Variants in PIGN observed in about 807,000 individuals in gnomAD.
The protein encoded by PIGN is GPI ethanolamine phosphate transferase 1.
Under a neutral mutation model 125.4 loss-of-function variants are expected in PIGN, and 117 were observed. The ratio of observed to expected loss-of-function variants is 0.93; its 90% confidence interval spans 0.80 to 1.09. PIGN has a LOEUF of 1.09. PIGN is among the 50% of genes least tolerant of loss of function. PIGN has a pLI of 0.00. For missense variants in PIGN, 1,075 were observed against 1,094.9 expected (o/e 0.98, Z 0.26); for synonymous variants, 392 against 377.8 (o/e 1.04, Z -0.44).
chr18:62,145,857 T>C (rs2036307585), intron 10 of PIGN, 52 bp downstream of exon 10: 3 of 885,502 alleles, frequency 3.4e-6, no homozygotes, highest in Non-Finnish European at 5.4e-6. Flanking sequence ...ATTTAAACTT[T>C]GTTCTTATTT....
chr18:62,070,609 A>G (rs1023404477), intron 30 of PIGN: 3 of 395,904 alleles, frequency 7.6e-6, no homozygotes, highest in Non-Finnish European at 1.3e-5. Flanking sequence ...TATTGACTAA[A>G]TGAAATAAAA....
intron 30 of PIGN, among the ~76,000 whole-genome samples, chr18:62,071,292 A>G (rs932803482): frequency 7.2e-5 from 11 of 152,184 alleles, no homozygotes; most frequent in Admixed American, 3.9e-4. Flanking sequence ...TGGAATGATC[A>G]ACTTTGAAAC....
At chr18:62,068,894 C>G (rs1197029414) in intron 30 of PIGN, among the ~76,000 whole-genome samples, 2 of 152,182 alleles carry the variant, frequency 1.3e-5, no homozygotes, top group East Asian at 3.8e-4. Context: ...TTCTGAAAAG[C>G]CTTCCTTAAG....
rs1837587580 is a variant in PIGN, at chr18:62,020,481, G to A, written c.2143-2740C>T. Among the ~76,000 whole-genome samples, 3 of 150,366 alleles carry A rather than the reference G, an allele frequency of 2.0e-5. No homozygotes were observed. In the South Asian group the frequency reaches 6.4e-4, roughly 32 times the overall value. On this transcript the variant is annotated intron_variant, in intron 23 of 24. Coordinates refer to the PIGN transcript ENST00000639600. ...GACCTTGAAATGACAGAGATGATGG[G>A]ATTAGCAGATAAAGACTTTAAAACA...
intron 30 of PIGN, among the ~76,000 whole-genome samples, chr18:62,064,152 T>C (rs1020654280): frequency 1.3e-5 from 2 of 152,242 alleles, no homozygotes; most frequent in Non-Finnish European, 2.9e-5. Context: ...TAATGTTTCC[T>C]GTCACTGAAG....
chr18:62,141,478 T>C (rs976661424), intron 11 of PIGN, among the ~76,000 whole-genome samples: 2 of 152,246 alleles, frequency 1.3e-5, no homozygotes, highest in Admixed American at 6.5e-5. Context: ...CCTTTTCAGA[T>C]ACGTTCGCTA....
chr18:62,102,478 T>A (rs2034483568), intron 21 of PIGN, among the ~76,000 whole-genome samples: 1 of 151,568 alleles, frequency 6.6e-6, no homozygotes, highest in African/African-American at 2.4e-5. Flanking sequence ...GGAAGTGACC[T>A]TCCCTGACCC....
chr18:62,152,105 CA>C (rs1317741777), intron 7 of PIGN, among the ~76,000 whole-genome samples: 1 of 151,954 alleles, frequency 6.6e-6, no homozygotes, highest in East Asian at 1.9e-4. Flanking sequence ...CAGGACAACT[CA>C]AAGTGGGGAT....
chr18:62,090,429 G>C (rs764786710), intron 24 of PIGN, 47 bp downstream of exon 24: 1 of 1,046,594 alleles, frequency 9.6e-7, no homozygotes, highest in South Asian at 1.5e-5. Context: ...TTATAGGATA[G>C]AGACTAATAG....
chr18:62,117,009 T>C (rs546345267), intron 14 of PIGN, among the ~76,000 whole-genome samples: 1 of 152,168 alleles, frequency 6.6e-6, no homozygotes, highest in East Asian at 1.9e-4. Context: ...ATTGGAAGTA[T>C]TAAGGTAAAG....
chr18:62,158,506 G>T (rs911616133), intron 4 of PIGN, among the ~76,000 whole-genome samples: 20 of 152,140 alleles, frequency 1.3e-4, no homozygotes, highest in Admixed American at 4.6e-4. Flanking sequence ...AGATTATTTT[G>T]CTAAAAGATG....
intron 30 of PIGN, among the ~76,000 whole-genome samples, chr18:62,061,895 T>C (rs2032169081): frequency 6.6e-6 from 1 of 152,098 alleles, no homozygotes; most frequent in Non-Finnish European, 1.5e-5. Context: ...GGTGCTTTAG[T>C]TTTGAATCTT....
At chr18:62,096,019 G>A (rs978231470) in intron 22 of PIGN, 69 bp from the exon 23 acceptor site, 1 of 954,452 alleles carries the variant, frequency 1.0e-6, no homozygotes, top group Non-Finnish European at 1.6e-6. Context: ...GTAGGGCCGG[G>A]CGTGGTGGCT....
Position 62,085,208 on chromosome 18 carries a change from C to T in PIGN, c.2426+1G>A, listed in dbSNP as rs1458045074. 1.3e-6 allele frequency: 2 copies of T among 1,490,270 alleles called. No individual in the cohort carries two copies. Among genetic ancestry groups the T allele is most frequent in the South Asian group, 1.2e-5 (1 of 81,302 alleles). 92.3% of individuals were successfully genotyped at this position (1,490,270 alleles called of 1,614,324 possible). A position where few individuals can be genotyped will look rare whatever the true frequency, so the allele number is the denominator to read the frequency against. On this transcript the variant is annotated splice_donor_variant, in intron 26 of 30. Coordinates refer to ENST00000640252, the MANE Select transcript of PIGN (RefSeq NM_176787.5). LOFTEE classifies it high-confidence loss of function. ...TATATGCCACTTTCATTTAAAATTA[C>T]CTGTTAATAGAAGCTATATTTCCAG...
chr18:62,085,067 C>A, intron 26 of PIGN, 142 bp downstream of exon 26: 1 of 591,346 alleles, frequency 1.7e-6, no homozygotes, highest in South Asian at 2.1e-5. Context: ...GAGATCACAC[C>A]ACTGCCCTCC....
chr18:62,048,542 T>C (rs966966849), intron 30 of PIGN, among the ~76,000 whole-genome samples: 13 of 151,898 alleles, frequency 8.6e-5, no homozygotes, highest in Non-Finnish European at 1.6e-4. Flanking sequence ...ATTTTTCAAG[T>C]GTTGAAAGAA....
At chr18:62,099,835 T>TA (rs2034365342) in intron 22 of PIGN, among the ~76,000 whole-genome samples, 1 of 152,278 alleles carries the variant, frequency 6.6e-6, no homozygotes. Flanking sequence ...ATTAAAGGCT[T>TA]AAATGTAAGA....
chr18:62,118,847 TAAAG>T (rs1185546951), intron 14 of PIGN, among the ~76,000 whole-genome samples: 1 of 139,098 alleles, frequency 7.2e-6, no homozygotes, highest in Non-Finnish European at 1.6e-5. Context: ...AGAACTCAGG[TAAAG>T]AAAGAAAGGC....
At chr18:62,176,173 G>T (rs960622014) in intron 1 of PIGN, among the ~76,000 whole-genome samples, 2 of 152,088 alleles carry the variant, frequency 1.3e-5, no homozygotes, top group African/African-American at 2.4e-5. Context: ...TTATGTTAGA[G>T]AGAATTGCTT....
Sources: gnomAD v4.1 joint callset for allele counts (sites outside exome capture counted in the v4.1 genomes callset) on GRCh38, gnomAD v4.1.1 for gene constraint, MANE v1.5 for transcripts, NCBI Gene and HGNC (gene_info 2026-07-23, HGNC 2026-07-21) for gene names.